Variants in ACER3 observed in about 807,000 individuals in gnomAD.
ACER3 encodes alkCDase 3.
ACER3 carries 16 observed loss-of-function variants against 48.9 expected under a neutral mutation model. That is an observed-to-expected ratio of 0.33 (90% CI 0.22 to 0.50). The LOEUF is 0.50. ACER3 is among the 20% of genes least tolerant of loss of function. ACER3 has a pLI of 0.98. For synonymous variants in ACER3, 109 were observed against 107.8 expected (o/e 1.01, Z -0.07); for missense variants, 227 against 326.0 (o/e 0.70, Z 2.34).
chr11:76,915,245 GA>G (rs982197282), intron 1 of ACER3, among the ~76,000 whole-genome samples: 3 of 150,854 alleles, frequency 2.0e-5, no homozygotes, highest in Admixed American at 6.6e-5. Flanking sequence ...AAAGAAGACA[GA>G]AAAAAAAGGC....
chr11:76,975,600 G>A (rs935412298), intron 3 of ACER3, among the ~76,000 whole-genome samples: 10 of 152,040 alleles, frequency 6.6e-5, no homozygotes, highest in Non-Finnish European at 1.5e-4. Context: ...ATACTGATAG[G>A]ACCTATGGAC....
Position 77,025,756 on chromosome 11 carries a change from CTGTA to C in ACER3, c.*5434_*5437del, listed in dbSNP as rs1949542584. On this transcript the variant is annotated 3_prime_UTR_variant, in exon 11 of 11. Coordinates refer to ENST00000532485, the MANE Select transcript of ACER3 (RefSeq NM_018367.7). ...GAGAAAGAAGAATATGCAACAGAAA[CTGTA>C]TGTAGCCTGCAAAGCCTAAAATGTT... 6.6e-6 allele frequency: 1 copy of C among 152,166 alleles called. No homozygotes were observed. The highest frequency in any genetic ancestry group is 1.5e-5 in the Non-Finnish European group (1 of 68,060). The allele number at this position is 152,166 out of a possible 1,614,324, so 9.4% of individuals were successfully genotyped here.
intron 1 of ACER3, among the ~76,000 whole-genome samples, chr11:76,924,346 C>G (rs1216234317): frequency 6.6e-6 from 1 of 151,932 alleles, no homozygotes; most frequent in Non-Finnish European, 1.5e-5. Flanking sequence ...ACTGTGTTAA[C>G]ATTTATTTTA....
At chr11:76,917,354 A>G (rs1302524776) in intron 1 of ACER3, among the ~76,000 whole-genome samples, 1 of 152,186 alleles carries the variant, frequency 6.6e-6, no homozygotes, top group African/African-American at 2.4e-5. Context: ...TTTAAAAATA[A>G]TGTGAAAAAA....
chr11:76,983,121 G>A (rs1415432645), intron 4 of ACER3, among the ~76,000 whole-genome samples: 2 of 152,058 alleles, frequency 1.3e-5, no homozygotes, highest in Non-Finnish European at 2.9e-5. Context: ...AAAATAGCCT[G>A]CTGGAAGATT....
chr11:76,877,089 C>T (rs1257099062), intron 1 of ACER3, among the ~76,000 whole-genome samples: 1 of 152,032 alleles, frequency 6.6e-6, no homozygotes, highest in East Asian at 1.9e-4. Flanking sequence ...TTTATAAGCC[C>T]ATCTGAAGAT....
chr11:76,927,379 C>A (rs1044339957), intron 2 of ACER3, among the ~76,000 whole-genome samples: 3 of 152,072 alleles, frequency 2.0e-5, no homozygotes, highest in Admixed American at 2.0e-4. Context: ...CTGTCATGTT[C>A]TTGCATCATC....
rs2135351695 is a variant in ACER3, at chr11:77,023,475, TA to T, written c.*3149del. 3.3e-6 allele frequency: 1 copy of T among 306,610 alleles called. No homozygotes were observed. The highest frequency in any genetic ancestry group is 5.9e-6 in the Non-Finnish European group (1 of 168,080). 19.0% of individuals were successfully genotyped at this position (306,610 alleles called of 1,614,324 possible). A position where few individuals can be genotyped will look rare whatever the true frequency, so the allele number is the denominator to read the frequency against. ...CTAAAAGCATCTAACAATTTAAGGT[TA>T]TCTTATGAGTCCTATGAAAACAATT... On this transcript the variant is annotated 3_prime_UTR_variant, in exon 11 of 11. Transcript: ENST00000532485.
chr11:76,921,315 AT>A (rs1308916677), intron 1 of ACER3, among the ~76,000 whole-genome samples: 1 of 152,182 alleles, frequency 6.6e-6, no homozygotes, highest in Non-Finnish European at 1.5e-5. Flanking sequence ...ATTAAAACAA[AT>A]TTTTAATTGT....
intron 2 of ACER3, chr11:76,957,415 C>A: frequency 4.5e-6 from 2 of 447,542 alleles, no homozygotes; most frequent in Non-Finnish European, 4.5e-6. Flanking sequence ...TACATATATA[C>A]ATGAAGTTTA....
chr11:76,880,260 C>G (rs1413373515), intron 1 of ACER3, among the ~76,000 whole-genome samples: 1 of 152,014 alleles, frequency 6.6e-6, no homozygotes, highest in African/African-American at 2.4e-5. Flanking sequence ...TTAGATCTTT[C>G]TTTGTTAATA....
At chr11:76,909,697 T>A (rs893561036) in intron 1 of ACER3, among the ~76,000 whole-genome samples, 6 of 152,184 alleles carry the variant, frequency 3.9e-5, no homozygotes, top group African/African-American at 1.4e-4. Context: ...TCAACCATTG[T>A]GGAAGACAGT....
At chr11:76,880,904 T>C (rs984878433) in intron 1 of ACER3, among the ~76,000 whole-genome samples, 1 of 152,050 alleles carries the variant, frequency 6.6e-6, no homozygotes, top group African/African-American at 2.4e-5. Flanking sequence ...GGTGGGGGCT[T>C]TGAGACATAA....
chr11:76,873,176 G>T (rs759290564), intron 1 of ACER3, among the ~76,000 whole-genome samples: 7 of 151,792 alleles, frequency 4.6e-5, no homozygotes, highest in Non-Finnish European at 8.8e-5. Context: ...CAAAGTGTTG[G>T]GATTACGGGC....
chr11:77,002,121 C>T (rs181891527), intron 7 of ACER3, among the ~76,000 whole-genome samples: 8 of 149,922 alleles, frequency 5.3e-5, no homozygotes, highest in Admixed American at 2.7e-4. Context: ...CCCTAATGAC[C>T]CCATTTTAAC....
chr11:76,975,864 T>G (rs1214304722), intron 3 of ACER3, among the ~76,000 whole-genome samples: 2 of 146,552 alleles, frequency 1.4e-5, no homozygotes, highest in Non-Finnish European at 3.0e-5. Flanking sequence ...CTGAAACCTT[T>G]TTTTCTTTTC....
intron 9 of ACER3, 102 bp from the exon 10 acceptor site, chr11:77,019,629 C>T: frequency 2.7e-6 from 3 of 1,123,442 alleles, no homozygotes; most frequent in Middle Eastern, 2.0e-4. Context: ...GTTGTTTTTG[C>T]TTCGTACATG....
chr11:76,887,974 C>T (rs1446198441), intron 1 of ACER3, among the ~76,000 whole-genome samples: 1 of 151,936 alleles, frequency 6.6e-6, no homozygotes, highest in Non-Finnish European at 1.5e-5. Flanking sequence ...CATGCCACCA[C>T]ACCTGGCTAG....
intron 2 of ACER3, among the ~76,000 whole-genome samples, chr11:76,950,331 T>C (rs1947611754): frequency 8.2e-6 from 1 of 122,038 alleles, no homozygotes; most frequent in African/African-American, 2.8e-5. Flanking sequence ...TGGAGGGTTT[T>C]AAACAGGAGA....
Sources: allele counts gnomAD v4.1 joint callset (sites outside exome capture counted in the v4.1 genomes callset), GRCh38; gene constraint gnomAD v4.1.1; transcripts MANE v1.5; gene names NCBI Gene and HGNC (gene_info 2026-07-23, HGNC 2026-07-21).